PPL: variants seen among roughly 807,000 people sequenced by gnomAD.
The protein encoded by PPL is 190 kDa paraneoplastic pemphigus antigen.
In PPL, 198 loss-of-function variants were observed where a neutral mutation model predicts 194.4. The observed-to-expected ratio is 1.02, with a 90% CI of 0.91 to 1.15. PPL has a LOEUF of 1.15. Ranked by LOEUF, PPL falls within the 50% of genes most tolerant of loss-of-function variation. The pLI is 0.00. For missense variants in PPL, 2,885 were observed against 2,294.8 expected (o/e 1.26, Z -5.25); for synonymous variants, 1,220 against 972.4 (o/e 1.25, Z -4.74).
intron 1 of PPL, among the ~76,000 whole-genome samples, chr16:4,936,753 T>C (rs1189706720): frequency 6.6e-6 from 1 of 152,086 alleles, no homozygotes; most frequent in African/African-American, 2.4e-5. Context: ...CGGAGTCCCC[T>C]GTGTTATGCT....
Position 4,890,075 on chromosome 16 carries a change from C to T in PPL, c.2313+109G>A, listed in dbSNP as rs187654429. ...CAGGGAGGACACAGCTGTGGCAGGC[C>T]TCTGCCCTGCTCCACCTCCCAAAGG... On this transcript the variant is annotated intron_variant, in intron 18 of 21. Transcript: ENST00000345988. 4.8e-4 allele frequency: 726 copies of T among 1,525,162 alleles called. 6 individuals are homozygous for T. In the African/African-American group the frequency reaches 8.6e-3, roughly 18 times the overall value. 94.5% of individuals were successfully genotyped at this position (1,525,162 alleles called of 1,614,324 possible). A position where few individuals can be genotyped will look rare whatever the true frequency, so the allele number is the denominator to read the frequency against.
intron 4 of PPL, among the ~76,000 whole-genome samples, chr16:4,901,680 C>A (rs1469716816): frequency 6.7e-6 from 1 of 149,676 alleles, no homozygotes; most frequent in African/African-American, 2.5e-5. Flanking sequence ...CAGAGTGAGA[C>A]CTTGTGTCAA....
chr16:4,933,094 C>T (rs1204430720), intron 1 of PPL, among the ~76,000 whole-genome samples: 4 of 151,992 alleles, frequency 2.6e-5, no homozygotes, highest in African/African-American at 2.4e-5. Context: ...CTCTGCCTCC[C>T]AGGTTCAAGG....
At position 4,883,369 on chromosome 16, in the gene PPL, T is replaced by C. The variant is rs765367667; in HGVS notation, c.*15A>G. On this transcript the variant is annotated 3_prime_UTR_variant, in exon 22 of 22. Coordinates refer to ENST00000345988, the MANE Select transcript of PPL (RefSeq NM_002705.5). The surrounding 1 kb of genome is among the most constrained non-coding windows in gnomAD (Gnocchi z 4.8). The stretch of plus-strand genomic sequence containing the variant: ...GGCCAGCGTCTGCCGTTACGAAGAG[T>C]TGCAAGAGCTGTGCCTACTTCTGCC... 2 of 1,613,182 alleles carry C rather than the reference T, an allele frequency of 1.2e-6. No homozygotes were observed. Among genetic ancestry groups the C allele is most frequent in the East Asian group, 4.5e-5 (2 of 44,882 alleles).
At chr16:4,894,729 T>C (rs993586063) in intron 11 of PPL, 111 bp from the exon 12 acceptor site, 24 of 1,288,456 alleles carry the variant, frequency 1.9e-5, no homozygotes, top group Middle Eastern at 2.7e-4. Flanking sequence ...GGCTCATCAC[T>C]TGGACCCTCC....
chr16:4,884,646 C>A lies in PPL; in HGVS notation c.4009G>T (p.Ala1337Ser). The A allele has an allele frequency of 1.2e-6, 2 of 1,614,080 alleles. No homozygotes were observed. Among genetic ancestry groups the A allele is most frequent in the South Asian group, 1.1e-5 (1 of 91,072 alleles). Residue 1337 changes from alanine (A) to serine (S), a missense_variant, in exon 22 of 22, where the codon GCC (alanine) becomes TCC (serine). Physicochemically the swap from Ala to Ser is moderately conservative, Grantham distance 99. Transcript: ENST00000345988. The surrounding 1 kb of genome is among the most constrained non-coding windows in gnomAD (Gnocchi z 5.7). ...RERASQEEQI[A>S]RKEEELSRVK... ...CGCGAGAGCTCCTCCTCTTTCCGGG[C>A]GATCTGCTCTTCCTGGGAAGCTCTT...
rs753592431 is a variant in PPL at position 4,936,998 on chromosome 16, A to T, written c.48T>A (p.Thr16=). ...CGCCTCCTCACCTCCGGGTCTGCACAGTGGGGCTGTATTTGCCTTTGTTTC... is the reference window on the plus strand; with the variant it reads ...CGCCTCCTCACCTCCGGGTCTGCACTGTGGGGCTGTATTTGCCTTTGTTTC... ...RKRNKGKYSP[T]VQTRSISNKE... Residue 16 remains threonine, a synonymous_variant, in exon 1 of 22, where the codon ACT becomes ACA. Transcript: ENST00000345988. 5.1e-6 allele frequency: 8 copies of T among 1,565,094 alleles called. No individual in the cohort carries two copies. The African/African-American group carries it at 1.1e-4, about 22-fold the overall frequency.
intron 1 of PPL, among the ~76,000 whole-genome samples, chr16:4,914,862 C>T (rs1333775800): frequency 6.6e-6 from 1 of 152,162 alleles, no homozygotes; most frequent in Non-Finnish European, 1.5e-5. Flanking sequence ...CCCTCATTCC[C>T]TAACCCCCCA....
At position 4,902,204 on chromosome 16, in the gene PPL, C is replaced by T. The variant is rs544771460; in HGVS notation, c.438+202G>A. 1.3e-5 allele frequency among the ~76,000 whole-genome samples: 2 copies of T among 152,326 alleles called. No homozygotes were observed. The highest frequency in any genetic ancestry group is 1.9e-4 in the East Asian group (1 of 5,178). ...CAGGGGACAGAGTCCGAATCTCCAC[C>T]GCTTGAGCTGTGTGACCCTGACTTC... On this transcript the variant is annotated intron_variant, in intron 4 of 21. Transcript: ENST00000345988. This position sits in a 1 kb window ranked among gnomAD's most constrained non-coding sequence, Gnocchi z 4.0.
rs774164420 is a variant in PPL, at chr16:4,884,288, G to GCCTGCTGCGGGT, written c.4355_4366dup (p.Asp1452_Gln1455dup). ...GAGTCGGAGCAGGGCATGCTCTCGC[G>GCCTGCTGCGGGT]CCTGCTGCGGGTCCTGCTGCAGCAC... is the stretch of plus-strand genomic sequence containing the variant. On this transcript the variant is annotated inframe_insertion, in exon 22 of 22. Coordinates refer to ENST00000345988, the MANE Select transcript of PPL (RefSeq NM_002705.5). The surrounding 1 kb of genome is among the most constrained non-coding windows in gnomAD (Gnocchi z 5.7). 3.1e-6 allele frequency: 5 copies of GCCTGCTGCGGGT among 1,612,554 alleles called. No individual in the cohort carries two copies. Among genetic ancestry groups the GCCTGCTGCGGGT allele is most frequent in the African/African-American group, 2.7e-5 (2 of 74,826 alleles).
intron 1 of PPL, among the ~76,000 whole-genome samples, chr16:4,923,614 G>A (rs1309141813): frequency 6.6e-6 from 1 of 152,186 alleles, no homozygotes; most frequent in Non-Finnish European, 1.5e-5. Flanking sequence ...CTGCAGGGGA[G>A]GAAACTGAGG....
At chr16:4,904,597 G>T (rs950874060) in intron 2 of PPL, among the ~76,000 whole-genome samples, 2 of 152,240 alleles carry the variant, frequency 1.3e-5, no homozygotes, top group Non-Finnish European at 2.9e-5. Flanking sequence ...GGAACAGCCT[G>T]TGCAAAGGTC....
chr16:4,925,477 C>T (rs527397456), intron 1 of PPL, among the ~76,000 whole-genome samples: 1 of 152,324 alleles, frequency 6.6e-6, no homozygotes, highest in Non-Finnish European at 1.5e-5. Flanking sequence ...AGGAAGTAGC[C>T]ACCCTTAGTG....
In PPL at chr16:4,937,092, C is replaced by T. The variant is rs755011213; in HGVS notation, c.-47G>A. Reference sequence around the variant, plus strand: ...GGCGGCGGCTGGCGGGCCGGGCGCGCACCGAGGGGCGGGCGGGAGCGCAGG... The same window carrying T: ...GGCGGCGGCTGGCGGGCCGGGCGCGTACCGAGGGGCGGGCGGGAGCGCAGG... On this transcript the variant is annotated 5_prime_UTR_variant, in exon 1 of 22. Coordinates refer to ENST00000345988, the MANE Select transcript of PPL (RefSeq NM_002705.5). The T allele has an allele frequency of 1.4e-5, 17 of 1,215,672 alleles. No individual in the cohort carries two copies. The highest frequency in any genetic ancestry group is 3.4e-5 in the South Asian group (1 of 29,040). 75.3% of individuals were successfully genotyped at this position (1,215,672 alleles called of 1,614,324 possible).
At position 4,885,060 on chromosome 16, in the gene PPL, C is replaced by T. The variant is rs12446946; in HGVS notation, c.3595G>A (p.Glu1199Lys). ...ANLRLELVEQ[E>K]RKYRGAEEQL... The stretch of plus-strand genomic sequence containing the variant: ...TCCTCGGCACCCCGGTACTTTCGCT[C>T]CTGCTCCACAAGCTCCAGGCGGAGG... Residue 1199 changes from glutamate to lysine, a missense_variant, in exon 22 of 22, where the codon GAG (glutamate) becomes AAG (lysine). Transcript: ENST00000345988. This position sits in a 1 kb window ranked among gnomAD's most constrained non-coding sequence, Gnocchi z 6.3. 6.2e-6 allele frequency: 10 copies of T among 1,613,584 alleles called. No individual in the cohort carries two copies. Among genetic ancestry groups the T allele is most frequent in the African/African-American group, 4.0e-5 (3 of 74,928 alleles).
Position 4,901,029 on chromosome 16 carries a change from C to T in PPL, c.499G>A (p.Glu167Lys), listed in dbSNP as rs564061612. 6.2e-7 allele frequency: 1 copy of T among 1,614,214 alleles called. No individual in the cohort carries two copies. The highest frequency in any genetic ancestry group is 8.5e-7 in the Non-Finnish European group (1 of 1,180,046). The part of the protein sequence containing the change: ...DLPLVDHQVE[E>K]HNIFHNEVKA... Reference sequence around the variant, plus strand: ...ACCTCATTGTGGAAGATGTTATGCTCCTCCACTTGGTGGTCCACCAGCGGC... The same window carrying T: ...ACCTCATTGTGGAAGATGTTATGCTTCTCCACTTGGTGGTCCACCAGCGGC... The change falls in exon 5 of 22, where the codon GAG (glutamate) becomes AAG (lysine). Residue 167 changes from glutamate (E) to lysine (K), a missense_variant. Coordinates refer to ENST00000345988, the MANE Select transcript of PPL (RefSeq NM_002705.5).
rs767821204 is a variant in PPL at position 4,885,615 on chromosome 16, G to A, written c.3040C>T (p.Arg1014Trp). 33 of 1,612,430 alleles carry A rather than the reference G, an allele frequency of 2.0e-5. No individual in the cohort carries two copies. The highest frequency in any genetic ancestry group is 2.6e-5 in the Non-Finnish European group (31 of 1,179,726). Reference protein sequence around the residue: ...RAQADEVLQLREELEALRRQK... With the variant: ...RAQADEVLQLWEELEALRRQK... Reference sequence around the variant, plus strand: ...CGCCTCAGTGCCTCCAGCTCCTCCCGCAGCTGCAAGACCTCATCCGCCTGG... The same window carrying A: ...CGCCTCAGTGCCTCCAGCTCCTCCCACAGCTGCAAGACCTCATCCGCCTGG... Residue 1014 changes from arginine (R) to tryptophan (W), a missense_variant, in exon 22 of 22, where the codon CGG becomes TGG. By Grantham distance (101) the Arg-to-Trp change is moderately radical. Coordinates refer to ENST00000345988, the MANE Select transcript of PPL (RefSeq NM_002705.5). The surrounding 1 kb of genome is among the most constrained non-coding windows in gnomAD (Gnocchi z 6.3).
Position 4,885,884 on chromosome 16 carries a change from C to G in PPL, c.2771G>C (p.Arg924Thr), listed in dbSNP as rs2088210645. ...KSTQEEIWTL[R>T]NQGPQESVVR... ...CACCGATTCCTGAGGCCCCTGATTC[C>G]TCAAGGTCCAGATTTCTTCCTGGGT... Residue 924 changes from arginine to threonine, a missense_variant, in exon 22 of 22, where the codon AGG becomes ACG. Physicochemically the swap from Arg to Thr is moderately conservative, Grantham distance 71. Coordinates refer to ENST00000345988, the MANE Select transcript of PPL (RefSeq NM_002705.5). This position sits in a 1 kb window ranked among gnomAD's most constrained non-coding sequence, Gnocchi z 6.3. 18 of 1,609,876 alleles carry G rather than the reference C, an allele frequency of 1.1e-5. No homozygotes were observed. In the South Asian group the frequency reaches 2.0e-4, roughly 18 times the overall value.
chr16:4,884,306 T>A lies in PPL; in HGVS notation c.4349A>T (p.Gln1450Leu). 1 of 1,612,814 alleles carries A rather than the reference T, an allele frequency of 6.2e-7. No individual in the cohort carries two copies. The highest frequency in any genetic ancestry group is 8.5e-7 in the Non-Finnish European group (1 of 1,179,670). ...CTCTCGCGCCTGCTGCGGGTCCTGCTGCAGCACCACCTTCTGCGTATGGGT... is the reference window on the plus strand; with the variant it reads ...CTCTCGCGCCTGCTGCGGGTCCTGCAGCAGCACCACCTTCTGCGTATGGGT... ...KVTHTQKVVL[Q>L]QDPQQAREHA... Residue 1450 changes from glutamine to leucine, a missense_variant, in exon 22 of 22, where the codon CAG (glutamine) becomes CTG (leucine). Gln to Leu is a moderately radical substitution (Grantham distance 113, BLOSUM62 -2). Transcript: ENST00000345988. The surrounding 1 kb of genome is among the most constrained non-coding windows in gnomAD (Gnocchi z 5.7).
Sources: gnomAD v4.1 joint callset for allele counts (sites outside exome capture counted in the v4.1 genomes callset) on GRCh38, gnomAD v4.1.1 for gene constraint, Gnocchi (gnomAD v3.1) non-coding constraint, MANE v1.5 for transcripts, NCBI Gene and HGNC (gene_info 2026-07-23, HGNC 2026-07-21) for gene names.